Variants in PPM1H observed in about 807,000 individuals in gnomAD.
PPM1H encodes protein phosphatase 1H.
Under a neutral mutation model 54.9 loss-of-function variants are expected in PPM1H, and 27 were observed. That is an observed-to-expected ratio of 0.49 (90% confidence interval 0.36 to 0.68). The LOEUF (loss-of-function observed/expected upper bound fraction) is 0.68, where lower values mean the gene tolerates loss of function less well. Among genes scored for constraint, PPM1H ranks in the 30% least tolerant of loss-of-function variants. PPM1H has a pLI of 0.00. For synonymous variants in PPM1H, 305 were observed against 270.8 expected (o/e 1.13, Z -1.24); for missense variants, 596 against 667.8 (o/e 0.89, Z 1.19).
At chr12:62,835,457 G>C (rs779654553) in intron 1 of PPM1H, among the ~76,000 whole-genome samples, 3 of 152,144 alleles carry the variant, frequency 2.0e-5, no homozygotes, top group Non-Finnish European at 2.9e-5. Flanking sequence ...ATCTATTCTT[G>C]TCGGTGCCTG....
chr12:62,784,528 T>TA lies in PPM1H; in HGVS notation c.869+3697dup, dbSNP rs529750155. 1.2e-3 allele frequency among the ~76,000 whole-genome samples: 176 copies of TA among 151,204 alleles called. No individual in the cohort carries two copies. In the South Asian group the frequency reaches 0.016, roughly 14 times the overall value. On this transcript the variant is annotated intron_variant, in intron 4 of 9. Coordinates refer to ENST00000228705, the MANE Select transcript of PPM1H (RefSeq NM_020700.2). The stretch of plus-strand genomic sequence containing the variant: ...TTTTACTCTCGAAACTGTCAAGATG[T>TA]AAAAAAAAAGCACATGACAGCTAAT...
chr12:62,708,287 T>G (rs1439026177), intron 6 of PPM1H, among the ~76,000 whole-genome samples: 1 of 152,036 alleles, frequency 6.6e-6, no homozygotes, highest in Non-Finnish European at 1.5e-5. Flanking sequence ...GGGTTTGGAG[T>G]GGTGGCTCTC....
intron 5 of PPM1H, among the ~76,000 whole-genome samples, chr12:62,729,386 T>C (rs1219045301): frequency 6.6e-6 from 1 of 151,960 alleles, no homozygotes; most frequent in African/African-American, 2.4e-5. Flanking sequence ...GAGGCAGGAG[T>C]GCAGACATTG....
intron 1 of PPM1H, among the ~76,000 whole-genome samples, chr12:62,866,514 C>CGAGGAA (rs766502606): frequency 6.6e-6 from 1 of 152,098 alleles, no homozygotes; most frequent in Non-Finnish European, 1.5e-5. Context: ...TCATTCACCA[C>CGAGGAA]GAGGAAGTCA....
chr12:62,679,357 C>T (rs1306380759), intron 8 of PPM1H, among the ~76,000 whole-genome samples: 1 of 152,274 alleles, frequency 6.6e-6, no homozygotes, highest in African/African-American at 2.4e-5. Context: ...GGAGGCAAAT[C>T]GCCCCCAAGG....
chr12:62,912,509 G>C (rs1565827179), intron 1 of PPM1H, among the ~76,000 whole-genome samples: 1 of 152,156 alleles, frequency 6.6e-6, no homozygotes, highest in African/African-American at 2.4e-5. Context: ...GAGACTTGAA[G>C]TTGAGAATTG....
chr12:62,831,642 T>G (rs1412816707), intron 2 of PPM1H, among the ~76,000 whole-genome samples: 1 of 151,640 alleles, frequency 6.6e-6, no homozygotes, highest in African/African-American at 2.4e-5. Flanking sequence ...ATGAGAGGCT[T>G]TCGGACTATT....
Position 62,697,783 on chromosome 12 carries a change from C to T in PPM1H, c.1074-3784G>A, listed in dbSNP as rs111534664. Among the ~76,000 whole-genome samples, 97 of 152,138 alleles carry T rather than the reference C, an allele frequency of 6.4e-4. 1 individual carries two copies. Among genetic ancestry groups the T allele is most frequent in the Non-Finnish European group, 1.0e-3 (71 of 68,008 alleles). On this transcript the variant is annotated intron_variant, in intron 6 of 9. Transcript: ENST00000228705. ...TCCTAATTAAATTTTTAAGAACTAG[C>T]GCCCCAAACAAATCACTCGCTAGTT...
At chr12:62,650,110 T>A (rs117087855) in intron 9 of PPM1H, among the ~76,000 whole-genome samples, 2 of 152,152 alleles carry the variant, frequency 1.3e-5, no homozygotes, top group African/African-American at 4.8e-5. Context: ...ATTCACAGAC[T>A]TTCATGTTGA....
At chr12:62,727,637 A>ATATTATTATTAT (rs146320023) in intron 5 of PPM1H, among the ~76,000 whole-genome samples, 20,308 of 139,636 alleles carry the variant, frequency 0.15, 1,788 homozygotes, top group Middle Eastern at 0.21. Flanking sequence ...TAAAATGCAA[A>ATATTATTATTAT]TATTATTATT....
Position 62,802,037 on chromosome 12 carries a change from C to T in PPM1H, c.535G>A (p.Asp179Asn). The T allele has an allele frequency of 6.2e-7, 1 of 1,613,468 alleles. No homozygotes were observed. Among genetic ancestry groups the T allele is most frequent in the Non-Finnish European group, 8.5e-7 (1 of 1,179,794 alleles). Reference protein sequence around the residue: ...HITEQLQDIVDILKNSAVLPP... With the variant: ...HITEQLQDIVNILKNSAVLPP... Reference sequence around the variant, plus strand: ...AGGACGGCGGAGTTCTTCAGGATGTCCACGATGTCCTGCAGCTGCTCCGTG... The same window carrying T: ...AGGACGGCGGAGTTCTTCAGGATGTTCACGATGTCCTGCAGCTGCTCCGTG... Residue 179 changes from aspartate to asparagine, a missense_variant, in exon 3 of 10, where the codon GAC (aspartate) becomes AAC (asparagine). Transcript: ENST00000228705.
chr12:62,730,469 CAT>C (rs1393450021), intron 5 of PPM1H, among the ~76,000 whole-genome samples: 1 of 152,156 alleles, frequency 6.6e-6, no homozygotes, highest in African/African-American at 2.4e-5. Flanking sequence ...TAAGAATACT[CAT>C]GTGTTAAATA....
intron 1 of PPM1H, among the ~76,000 whole-genome samples, chr12:62,923,959 TA>T (rs1871886648): frequency 6.6e-6 from 1 of 152,236 alleles, no homozygotes; most frequent in Non-Finnish European, 1.5e-5. Context: ...CTATTTGATT[TA>T]AAAACTGTTG....
intron 1 of PPM1H, among the ~76,000 whole-genome samples, chr12:62,923,397 CTTT>C (rs1190786951): frequency 1.3e-5 from 2 of 151,716 alleles, no homozygotes; most frequent in African/African-American, 2.4e-5. Context: ...ATTTTTTTTT[CTTT>C]TTTTGTTTTT....
intron 6 of PPM1H, among the ~76,000 whole-genome samples, chr12:62,705,280 G>A (rs976857365): frequency 2.0e-5 from 3 of 152,224 alleles, no homozygotes; most frequent in African/African-American, 7.2e-5. Context: ...TCAAAGTTTG[G>A]TAGAAGAACA....
chr12:62,744,187 A>AAG lies in PPM1H; in HGVS notation c.870-6603_870-6602dup, dbSNP rs1565775723. Among the ~76,000 whole-genome samples the AAG allele has an allele frequency of 1.2e-4, 17 of 146,118 alleles. 2 individuals are homozygous for AAG. Among genetic ancestry groups the AAG allele is most frequent in the South Asian group, 2.1e-4 (1 of 4,658 alleles). On this transcript the variant is annotated intron_variant, in intron 4 of 9. Transcript: ENST00000228705. ...GTCATAAAAAAAAAAAAAAAAAAAA[A>AAG]AGGCCAGGCGCTGTGGCTCACACCT...
intron 4 of PPM1H, among the ~76,000 whole-genome samples, chr12:62,753,568 T>C (rs955610493): frequency 4.6e-5 from 7 of 152,216 alleles, no homozygotes; most frequent in Non-Finnish European, 5.9e-5. Context: ...TGGGCTTCAC[T>C]CTTGCATCCT....
chr12:62,904,668 C>G (rs931038911), intron 1 of PPM1H, among the ~76,000 whole-genome samples: 3 of 152,054 alleles, frequency 2.0e-5, no homozygotes, highest in Non-Finnish European at 4.4e-5. Flanking sequence ...GAATTTCCAC[C>G]CTTGAAGTGA....
chr12:62,683,806 G>A (rs1373027041), intron 8 of PPM1H, among the ~76,000 whole-genome samples: 1 of 152,180 alleles, frequency 6.6e-6, no homozygotes, highest in Non-Finnish European at 1.5e-5. Context: ...TTTGAGTGGA[G>A]GCTGGAAAGA....
Sources: gnomAD v4.1 joint callset for allele counts (sites outside exome capture counted in the v4.1 genomes callset) on GRCh38, gnomAD v4.1.1 for gene constraint, MANE v1.5 for transcripts, NCBI Gene and HGNC (gene_info 2026-07-23, HGNC 2026-07-21) for gene names.